ANK2: variants seen among roughly 807,000 people sequenced by gnomAD.
ANK2 encodes ankyrin 2, also known as ankyrin-2.
In ANK2, 83 loss-of-function variants were observed where a neutral mutation model predicts 360.5. The ratio of observed to expected loss-of-function variants is 0.23; its 90% CI spans 0.19 to 0.28. The LOEUF (loss-of-function observed/expected upper bound fraction) is 0.28, where lower values mean the gene tolerates loss of function less well. Among genes scored for constraint, ANK2 ranks in the 10% least tolerant of loss-of-function variants. The pLI, the probability that ANK2 is intolerant of heterozygous loss-of-function variation, is 1.00. For missense variants in ANK2, 4,201 were observed against 4,795.7 expected (o/e 0.88, Z 3.66); for synonymous variants, 1,740 against 1,759.5 (o/e 0.99, Z 0.28).
intron 45 of ANK2, among the ~76,000 whole-genome samples, chr4:113,376,009 T>C (rs2096917798): frequency 6.6e-6 from 1 of 152,348 alleles, no homozygotes; most frequent in East Asian, 1.9e-4. Context: ...AACCCACTTA[T>C]GCCAGAGGTT....
intron 1 of ANK2, among the ~76,000 whole-genome samples, chr4:112,866,341 C>T (rs17045090): frequency 0.056 from 8,505 of 152,188 alleles, 396 homozygotes; most frequent in African/African-American, 0.12. Flanking sequence ...GAGGCCAAGA[C>T]CTTAGTCAAC....
chr4:112,810,861 T>C, the ANK2 span, among the ~76,000 whole-genome samples: 37 of 150,764 alleles, frequency 2.5e-4, no homozygotes, highest in Non-Finnish European at 3.5e-4. Context: ...CCTTCCCGCT[T>C]TTTTGTTGTT....
chr4:112,942,995 T>A (rs1237596548), intron 2 of ANK2, among the ~76,000 whole-genome samples: 16 of 152,110 alleles, frequency 1.1e-4, no homozygotes, highest in African/African-American at 3.9e-4. Flanking sequence ...TTAAACTTGG[T>A]AACCATCAAT....
Position 113,356,809 on chromosome 4 carries a change from G to C in ANK2, c.8191G>C (p.Gly2731Arg). ...KMNEDTQEEP[G>R]KSEEEKDSES... is the part of the protein sequence containing the mutation. ...GAATGAAGATACTCAGGAAGAGCCA[G>C]GCAAATCAGAAGAAGAAAAAGATTC... Residue 2731 changes from glycine to arginine, a missense_variant, in exon 38 of 46, where the codon GGC becomes CGC. Transcript: ENST00000357077. 6.2e-7 allele frequency: 1 copy of C among 1,614,100 alleles called. No individual in the cohort carries two copies. Among genetic ancestry groups the C allele is most frequent in the South Asian group, 1.1e-5 (1 of 91,088 alleles).
chr4:112,713,360 G>A, the ANK2 span, among the ~76,000 whole-genome samples: 1 of 152,096 alleles, frequency 6.6e-6, no homozygotes, highest in Admixed American at 6.6e-5. Flanking sequence ...ACCGGAGGTC[G>A]GGCATTCGAG....
At chr4:113,305,583 A>G (rs2076935712) in intron 23 of ANK2, among the ~76,000 whole-genome samples, 1 of 152,206 alleles carries the variant, frequency 6.6e-6, no homozygotes, top group South Asian at 2.1e-4. Context: ...TTCAAGTTGA[A>G]TAATTTTCAT....
intron 1 of ANK2, among the ~76,000 whole-genome samples, chr4:112,896,176 A>G (rs17045113): frequency 0.091 from 13,819 of 152,256 alleles, 1,205 homozygotes; most frequent in East Asian, 0.31. Flanking sequence ...ATTTATGTCC[A>G]TTGGTTATTT....
chr4:112,854,312 A>G (rs996936141), intron 1 of ANK2, among the ~76,000 whole-genome samples: 4 of 152,242 alleles, frequency 2.6e-5, no homozygotes, highest in African/African-American at 9.6e-5. Context: ...TGTGAGTGAA[A>G]GACCAAAAAT....
intron 2 of ANK2, among the ~76,000 whole-genome samples, chr4:113,016,097 T>C (rs997471830): frequency 6.6e-6 from 1 of 152,030 alleles, no homozygotes; most frequent in East Asian, 1.9e-4. Flanking sequence ...TGTTCATAGC[T>C]TACTGCAACC....
At chr4:112,761,666 C>T in the ANK2 span, among the ~76,000 whole-genome samples, 2 of 152,122 alleles carry the variant, frequency 1.3e-5, no homozygotes, top group Non-Finnish European at 2.9e-5. Flanking sequence ...AAGTTCTCTT[C>T]GAAGTTAAGT....
intron 2 of ANK2, among the ~76,000 whole-genome samples, chr4:112,956,068 A>G (rs919792985): frequency 4.6e-5 from 7 of 152,232 alleles, no homozygotes; most frequent in Non-Finnish European, 1.0e-4. Flanking sequence ...ATATTTCAAG[A>G]TCCCCAGGGG....
chr4:112,881,937 G>T, intron 1 of ANK2: 2 of 658,292 alleles, frequency 3.0e-6, no homozygotes, highest in Non-Finnish European at 5.6e-6. Context: ...TGCATTCACG[G>T]CTGCCATCTA....
chr4:113,302,643 A>G (rs1313008898), intron 22 of ANK2, 124 bp from the exon 23 acceptor site: 1 of 760,886 alleles, frequency 1.3e-6, no homozygotes, highest in Admixed American at 2.0e-5. Flanking sequence ...ACACGCGGGA[A>G]AGATCCCGTA....
At chr4:112,881,757 G>A in intron 1 of ANK2, 3 of 658,890 alleles carry the variant, frequency 4.6e-6, no homozygotes, top group Admixed American at 2.1e-5. Flanking sequence ...CCATCACTTC[G>A]ATTATTCAAA....
chr4:113,248,857 A>C (rs1437292729), intron 9 of ANK2, among the ~76,000 whole-genome samples: 1 of 151,864 alleles, frequency 6.6e-6, no homozygotes, highest in Non-Finnish European at 1.5e-5. Context: ...TTTTCCTTCC[A>C]CCTCAAATCA....
chr4:113,076,514 G>A lies in ANK2; in HGVS notation c.84+26702G>A, dbSNP rs1288937139. On this transcript the variant is annotated intron_variant, in intron 1 of 45. Transcript: ENST00000357077. ...TTTCATATTCTAAGCATTGACATAT[G>A]TAATCTATTGGGCCAGGCACAGTGT... 2.0e-5 allele frequency among the ~76,000 whole-genome samples: 3 copies of A among 152,172 alleles called. No homozygotes were observed. The East Asian group carries it at 5.8e-4, about 29-fold the overall frequency.
intron 2 of ANK2, among the ~76,000 whole-genome samples, chr4:113,004,467 G>T (rs1185701429): frequency 6.6e-6 from 1 of 151,924 alleles, no homozygotes; most frequent in Non-Finnish European, 1.5e-5. Context: ...CATCAGCATA[G>T]CTGCCTTCCA....
the ANK2 span, among the ~76,000 whole-genome samples, chr4:112,736,630 T>C: frequency 6.6e-6 from 1 of 152,324 alleles, no homozygotes; most frequent in Non-Finnish European, 1.5e-5. Context: ...CATCTGCCAC[T>C]CAGGGAAGAG....
At chr4:112,919,520 T>C (rs2090895153) in intron 2 of ANK2, among the ~76,000 whole-genome samples, 1 of 152,286 alleles carries the variant, frequency 6.6e-6, no homozygotes, top group South Asian at 2.1e-4. Flanking sequence ...TTTTCATGTA[T>C]GTTTATTTTT....
Sources: gnomAD v4.1 joint callset for allele counts (sites outside exome capture counted in the v4.1 genomes callset) on GRCh38, gnomAD v4.1.1 for gene constraint, MANE v1.5 for transcripts, NCBI Gene and HGNC (gene_info 2026-07-23, HGNC 2026-07-21) for gene names.